The following CBFB variants were observed in gnomAD, a reference collection of about 807,000 sequenced individuals.
CBFB encodes the protein CBF-beta.
In CBFB, 9 loss-of-function variants were observed where a neutral mutation model predicts 30.4. The observed-to-expected ratio is 0.30, with a 90% confidence interval of 0.18 to 0.52. The LOEUF is 0.52. Among genes scored for constraint, CBFB ranks in the 20% least tolerant of loss-of-function variants. The pLI is 0.97. For missense variants in CBFB, 170 were observed against 244.0 expected (o/e 0.70, Z 2.02); for synonymous variants, 94 against 84.0 (o/e 1.12, Z -0.65).
intron 3 of CBFB, among the ~76,000 whole-genome samples, chr16:67,048,788 T>TG (rs1392727320): frequency 6.6e-6 from 1 of 150,984 alleles, no homozygotes; most frequent in Non-Finnish European, 1.5e-5. Context: ...CTCTTGACCT[T>TG]GTGAGCCACC....
chr16:67,040,001 A>AG (rs1432552514), intron 3 of CBFB, among the ~76,000 whole-genome samples: 1 of 152,148 alleles, frequency 6.6e-6, no homozygotes, highest in Non-Finnish European at 1.5e-5. Flanking sequence ...TTTTTCTAGA[A>AG]GAAAAAAAAG....
intron 3 of CBFB, among the ~76,000 whole-genome samples, chr16:67,046,415 A>G (rs1026158138): frequency 1.3e-5 from 2 of 152,092 alleles, no homozygotes; most frequent in African/African-American, 4.8e-5. Context: ...GGTTAATTCA[A>G]ATGCTGCCAG....
intron 3 of CBFB, among the ~76,000 whole-genome samples, chr16:67,060,329 TTAGAGTG>T (rs1304178153): frequency 2.6e-5 from 4 of 152,138 alleles, no homozygotes; most frequent in African/African-American, 9.7e-5. Flanking sequence ...ATTCACTCTT[TTAGAGTG>T]TACGATTCAT....
intron 5 of CBFB, among the ~76,000 whole-genome samples, chr16:67,098,010 C>A (rs1357095951): frequency 6.6e-6 from 1 of 152,196 alleles, no homozygotes; most frequent in African/African-American, 2.4e-5. Context: ...CAATAAATGT[C>A]AGCTATTACT....
chr16:67,048,823 CTTTT>C (rs559010433), intron 3 of CBFB, among the ~76,000 whole-genome samples: 7 of 85,876 alleles, frequency 8.2e-5, no homozygotes, highest in Non-Finnish European at 1.4e-4. Context: ...TTTTTTTTTT[CTTTT>C]TTTTTTTTTT....
chr16:67,062,584 G>T (rs1960942683), intron 3 of CBFB, among the ~76,000 whole-genome samples: 1 of 151,262 alleles, frequency 6.6e-6, no homozygotes, highest in Non-Finnish European at 1.5e-5. Context: ...CTGAGGTCAG[G>T]AGTTCGAGAG....
chr16:67,031,481 G>A (rs1247160850), intron 2 of CBFB, among the ~76,000 whole-genome samples: 1 of 152,204 alleles, frequency 6.6e-6, no homozygotes, highest in Non-Finnish European at 1.5e-5. Flanking sequence ...AAGTATAAAA[G>A]ATAAGTTACA....
chr16:67,038,768 C>T (rs553257340), intron 3 of CBFB, among the ~76,000 whole-genome samples: 7 of 149,374 alleles, frequency 4.7e-5, no homozygotes, highest in East Asian at 3.9e-4. Flanking sequence ...ATACTAAAGA[C>T]GTAAACCAAA....
At chr16:67,039,776 CTG>C (rs2145717756) in intron 3 of CBFB, among the ~76,000 whole-genome samples, 1 of 152,212 alleles carries the variant, frequency 6.6e-6, no homozygotes, top group African/African-American at 2.4e-5. Context: ...CTTTCAGTCT[CTG>C]TCACAACTAC....
chr16:67,064,214 T>C (rs563343223), intron 3 of CBFB, among the ~76,000 whole-genome samples: 2 of 152,296 alleles, frequency 1.3e-5, no homozygotes, highest in African/African-American at 4.8e-5. Context: ...TTTGTTTGTT[T>C]ATTTGTTTTT....
chr16:67,036,469 G>A (rs1966441572), intron 2 of CBFB, 170 bp from the exon 3 acceptor site: 1 of 542,306 alleles, frequency 1.8e-6, no homozygotes, highest in Admixed American at 3.1e-5. Context: ...GGAATCAGAT[G>A]TTTGTAACTT....
At chr16:67,062,996 A>G (rs1960953808) in intron 3 of CBFB, among the ~76,000 whole-genome samples, 1 of 151,960 alleles carries the variant, frequency 6.6e-6, no homozygotes, top group African/African-American at 2.4e-5. Flanking sequence ...AGTGCATGCT[A>G]CTCCGTCCAC....
intron 5 of CBFB, among the ~76,000 whole-genome samples, chr16:67,097,257 G>A (rs1459395571): frequency 6.7e-6 from 1 of 148,822 alleles, no homozygotes; most frequent in Non-Finnish European, 1.5e-5. Context: ...CAAAAAAATA[G>A]ATCTGGGGCC....
intron 5 of CBFB, 21 bp downstream of exon 5, chr16:67,082,329 G>T: frequency 6.2e-7 from 1 of 1,612,236 alleles, no homozygotes; most frequent in Non-Finnish European, 8.5e-7. Context: ...CACAGCTGCT[G>T]GCAGTAACTG....
chr16:67,062,923 A>T (rs1479443868), intron 3 of CBFB, among the ~76,000 whole-genome samples: 1 of 152,196 alleles, frequency 6.6e-6, no homozygotes, highest in Non-Finnish European at 1.5e-5. Context: ...TTGCTATTAG[A>T]AAAGATGTCT....
intron 2 of CBFB, among the ~76,000 whole-genome samples, chr16:67,032,764 T>C (rs940232598): frequency 3.3e-5 from 5 of 152,258 alleles, no homozygotes; most frequent in African/African-American, 1.2e-4. Flanking sequence ...AGGCATTATT[T>C]TGCCTGTTTT....
chr16:67,079,614 T>C (rs767338194), intron 4 of CBFB, among the ~76,000 whole-genome samples: 4 of 151,476 alleles, frequency 2.6e-5, no homozygotes, highest in African/African-American at 9.7e-5. Flanking sequence ...CTCATTATTA[T>C]GTTTGCAAGA....
intron 5 of CBFB, among the ~76,000 whole-genome samples, chr16:67,095,333 A>G (rs2145786820): frequency 6.6e-6 from 1 of 152,090 alleles, no homozygotes; most frequent in East Asian, 1.9e-4. Flanking sequence ...CCTGGCTAAC[A>G]TGGTGAAACC....
chr16:67,046,289 G>A (rs532611748), intron 3 of CBFB, among the ~76,000 whole-genome samples: 34 of 149,138 alleles, frequency 2.3e-4, no homozygotes, highest in African/African-American at 8.2e-4. Flanking sequence ...TTGTAGATAT[G>A]GGGGTCTCAC....
Sources: allele counts gnomAD v4.1 joint callset (sites outside exome capture counted in the v4.1 genomes callset), GRCh38; gene constraint gnomAD v4.1.1; transcripts MANE v1.5; gene names NCBI Gene and HGNC (gene_info 2026-07-23, HGNC 2026-07-21).